Variants in MYO5B observed in about 807,000 individuals in gnomAD.
MYO5B encodes the protein unconventional myosin-Vb.
In MYO5B, 143 loss-of-function variants were observed where a neutral mutation model predicts 229.3. The observed-to-expected ratio is 0.62, with a 90% CI of 0.54 to 0.72. The LOEUF is 0.72. MYO5B is among the 30% of genes least tolerant of loss of function. The pLI, the probability that MYO5B is intolerant of heterozygous loss-of-function variation, is 0.00. For missense variants in MYO5B, 2,321 were observed against 2,331.0 expected (o/e 1.00, Z 0.09); for synonymous variants, 918 against 885.2 (o/e 1.04, Z -0.66).
intron 26 of MYO5B, among the ~76,000 whole-genome samples, chr18:49,873,493 C>A (rs1568620162): frequency 6.6e-6 from 1 of 152,206 alleles, no homozygotes; most frequent in Non-Finnish European, 1.5e-5. Context: ...TCCAGCCCTG[C>A]AATCTGGGCT....
chr18:49,911,248 G>A (rs1444322570), intron 18 of MYO5B, among the ~76,000 whole-genome samples: 2 of 152,170 alleles, frequency 1.3e-5, no homozygotes, highest in African/African-American at 2.4e-5. Flanking sequence ...ATCCTGAGCC[G>A]GCAGCTTGCA....
Position 50,070,018 on chromosome 18 carries a change from C to CTTTTTTTTTTTTTTT in MYO5B, c.28-14655_28-14641dup, listed in dbSNP as rs765610800. Among the ~76,000 whole-genome samples, 48 of 110,062 alleles carry CTTTTTTTTTTTTTTT rather than the reference C, an allele frequency of 4.4e-4. 1 individual carries two copies. Among genetic ancestry groups the CTTTTTTTTTTTTTTT allele is most frequent in the African/African-American group, 1.8e-3 (48 of 26,504 alleles). The allele number at this position is 110,062 out of a possible 152,430, so 72.2% of individuals were successfully genotyped here. On this transcript the variant is annotated intron_variant, in intron 1 of 39. Coordinates refer to ENST00000285039, the MANE Select transcript of MYO5B (RefSeq NM_001080467.3). The stretch of plus-strand genomic sequence containing the variant: ...CTTACCTGAAATATTGCAATTTAGT[C>CTTTTTTTTTTTTTTT]TTTTTTTTTTTTTTTTTTTTTGAGA...
chr18:50,048,302 T>G (rs888583180), intron 2 of MYO5B, among the ~76,000 whole-genome samples: 4 of 152,148 alleles, frequency 2.6e-5, no homozygotes, highest in African/African-American at 9.7e-5. Flanking sequence ...AATAAAATAC[T>G]CTGATTTATG....
At chr18:49,961,249 A>T (rs2025555683) in intron 12 of MYO5B, among the ~76,000 whole-genome samples, 1 of 152,210 alleles carries the variant, frequency 6.6e-6, no homozygotes, top group Non-Finnish European at 1.5e-5. Context: ...AGCCTGGACA[A>T]ACACTTGCTA....
At chr18:50,144,072 AC>A (rs2032461718) in intron 1 of MYO5B, among the ~76,000 whole-genome samples, 1 of 152,186 alleles carries the variant, frequency 6.6e-6, no homozygotes, top group Non-Finnish European at 1.5e-5. Context: ...TGGGCATGTA[AC>A]ATCACAGTGA....
intron 31 of MYO5B, among the ~76,000 whole-genome samples, chr18:49,853,127 T>A (rs922883027): frequency 1.3e-5 from 2 of 152,242 alleles, no homozygotes; most frequent in African/African-American, 4.8e-5. Flanking sequence ...GTTCAGGGAC[T>A]GAGTCTTGAG....
chr18:49,948,318 C>A (rs951962039), intron 14 of MYO5B, among the ~76,000 whole-genome samples: 8 of 152,106 alleles, frequency 5.3e-5, no homozygotes, highest in Non-Finnish European at 1.0e-4. Context: ...ACTAATGGTA[C>A]CCTTTGGAGG....
At position 49,906,798 on chromosome 18, in the gene MYO5B, T is replaced by TAC. The variant is rs557254496; in HGVS notation, c.2203-170_2203-169dup. On this transcript the variant is annotated intron_variant, in intron 18 of 39. Coordinates refer to ENST00000285039, the MANE Select transcript of MYO5B (RefSeq NM_001080467.3). ...ATTTGCTTAACAGACCCCAAGACCCTACTACGGGCCAGACTCTAGAACATG... is the reference window on the plus strand; with the variant it reads ...ATTTGCTTAACAGACCCCAAGACCCTACACTACGGGCCAGACTCTAGAACATG... Among the ~76,000 whole-genome samples the TAC allele has an allele frequency of 8.5e-5, 13 of 152,266 alleles. No homozygotes were observed. The East Asian group carries it at 2.3e-3, about 27-fold the overall frequency.
At chr18:50,133,848 A>G (rs1391310907) in intron 1 of MYO5B, among the ~76,000 whole-genome samples, 1 of 152,130 alleles carries the variant, frequency 6.6e-6, no homozygotes, top group African/African-American at 2.4e-5. Context: ...TATGGCCACA[A>G]AAAAAAGGAG....
chr18:50,002,846 T>A (rs1302361596), intron 4 of MYO5B, among the ~76,000 whole-genome samples: 1 of 152,160 alleles, frequency 6.6e-6, no homozygotes, highest in Non-Finnish European at 1.5e-5. Context: ...GTCACCAGCC[T>A]GGCCCTCTTT....
chr18:49,955,277 A>G lies in MYO5B; in HGVS notation c.1546-842T>C, dbSNP rs536765427. Among the ~76,000 whole-genome samples, 14 of 152,346 alleles carry G rather than the reference A, an allele frequency of 9.2e-5. No individual in the cohort carries two copies. The South Asian group carries it at 2.7e-3, about 29-fold the overall frequency. ...ATCTTTATGGATGGCTTTAAAAGTA[A>G]AAAGCATCTTACTTCATTGAAAATG... is the stretch of plus-strand genomic sequence containing the variant. On this transcript the variant is annotated intron_variant, in intron 12 of 39. Coordinates refer to ENST00000285039, the MANE Select transcript of MYO5B (RefSeq NM_001080467.3).
rs117682589 is a variant in MYO5B at position 49,973,850 on chromosome 18, T to C, written c.1322+500A>G. On this transcript the variant is annotated intron_variant, in intron 10 of 39. Transcript: ENST00000285039. ...TGGAATTCTGAAAGGAAGAGAAACC[T>C]CAGGAATGACCACACACAACACAAA... Among the ~76,000 whole-genome samples, 18 of 152,266 alleles carry C rather than the reference T, an allele frequency of 1.2e-4. No individual in the cohort carries two copies. The East Asian group carries it at 3.3e-3, about 28-fold the overall frequency.
rs763038528 is a variant in MYO5B at position 49,863,195 on chromosome 18, T to C, written c.3944+32A>G. 21 of 1,571,806 alleles carry C rather than the reference T, an allele frequency of 1.3e-5. No individual in the cohort carries two copies. In the South Asian group the frequency reaches 2.3e-4, roughly 17 times the overall value. On this transcript the variant is annotated intron_variant, in intron 29 of 39. Transcript: ENST00000285039. ...TTGGGCAGGGCCCTTCTCCGCGGCC[T>C]CGTCCAGCACATTTGACCGCGGCGG...
rs183991942 is a variant in MYO5B, at chr18:49,963,045, G to C, written c.1323-15C>G. The C allele has an allele frequency of 1.2e-6, 2 of 1,604,432 alleles. No individual in the cohort carries two copies. Among genetic ancestry groups the C allele is most frequent in the African/African-American group, 1.3e-5 (1 of 74,732 alleles). On this transcript the variant is annotated splice_polypyrimidine_tract_variant and intron_variant, in intron 10 of 39. Coordinates refer to ENST00000285039, the MANE Select transcript of MYO5B (RefSeq NM_001080467.3). ...ATGTCTCAAACCTACAGAATGGAAA[G>C]AGAAGATAAGAGACGTCTCCTTTCA...
intron 1 of MYO5B, among the ~76,000 whole-genome samples, chr18:50,094,138 A>C (rs1856674854): frequency 6.6e-6 from 1 of 152,206 alleles, no homozygotes. Context: ...CTTTCCAGTA[A>C]AACAGTCTTC....
chr18:50,072,432 G>A (rs530334102), intron 1 of MYO5B, among the ~76,000 whole-genome samples: 1 of 152,236 alleles, frequency 6.6e-6, no homozygotes, highest in African/African-American at 2.4e-5. Context: ...AGGGAGTGTA[G>A]CCTGGGGGGA....
rs373759752 is a variant in MYO5B, at chr18:49,954,275, G to C, written c.1668+38C>G. 3.2e-5 allele frequency: 52 copies of C among 1,612,366 alleles called. No homozygotes were observed. The African/African-American group carries it at 6.4e-4, about 20-fold the overall frequency. Reference sequence around the variant, plus strand: ...GCCCATTGAGTCTACTTAGAGAGGGGCCAAGGGAATACCCGAGCCAACAGA... The same window carrying C: ...GCCCATTGAGTCTACTTAGAGAGGGCCCAAGGGAATACCCGAGCCAACAGA... On this transcript the variant is annotated intron_variant, in intron 13 of 39. Transcript: ENST00000285039.
intron 25 of MYO5B, 151 bp downstream of exon 25, chr18:49,877,612 G>A (rs1213498404): frequency 4.0e-6 from 4 of 988,788 alleles, no homozygotes; most frequent in Admixed American, 2.0e-5. Context: ...TAAATCCACT[G>A]TAGTCCAAGT....
rs1414344807 is a variant in MYO5B, at chr18:50,036,963, T to C, written c.342A>G (p.Glu114=). ...CATCTTGTCCATAGATTGGCAACTG[T>C]TCATAAGGATTAATGGCAACAAGTA... is the stretch of plus-strand genomic sequence containing the variant. The part of the protein sequence containing the change: ...GIVLVAINPY[E]QLPIYGQDVI... Residue 114 remains glutamate, a synonymous_variant, in exon 4 of 40, where the codon GAA becomes GAG. Transcript: ENST00000285039. The C allele has an allele frequency of 6.2e-7, 1 of 1,614,162 alleles. No homozygotes were observed. The highest frequency in any genetic ancestry group is 1.1e-5 in the South Asian group (1 of 91,080).
Sources: allele counts gnomAD v4.1 joint callset (sites outside exome capture counted in the v4.1 genomes callset), GRCh38; gene constraint gnomAD v4.1.1; transcripts MANE v1.5; gene names NCBI Gene and HGNC (gene_info 2026-07-23, HGNC 2026-07-21).